The following TMPRSS11E variants were observed in gnomAD, a reference collection of about 807,000 sequenced individuals.
The protein encoded by TMPRSS11E is transmembrane serine protease 11E, also known as transmembrane protease serine 11E.
In TMPRSS11E, 38 loss-of-function variants were observed where a neutral mutation model predicts 48.1. The ratio of observed to expected loss-of-function variants is 0.79; its 90% CI spans 0.61 to 1.04. The LOEUF is 1.04. Among genes scored for constraint, TMPRSS11E ranks in the 50% least tolerant of loss-of-function variants. The pLI is 0.00. For synonymous variants in TMPRSS11E, 158 were observed against 171.9 expected (o/e 0.92, Z 0.63); for missense variants, 530 against 510.8 (o/e 1.04, Z -0.36).
At chr4:68,492,049 C>T (rs551153143) in intron 9 of TMPRSS11E, among the ~76,000 whole-genome samples, 2 of 152,320 alleles carry the variant, frequency 1.3e-5, no homozygotes, top group South Asian at 4.1e-4. Context: ...TTTAGACTCA[C>T]TTCATTTTGT....
At chr4:68,451,045 A>C (rs1261161232) in intron 1 of TMPRSS11E, among the ~76,000 whole-genome samples, 2 of 151,934 alleles carry the variant, frequency 1.3e-5, no homozygotes, top group African/African-American at 2.4e-5. Flanking sequence ...GAAAAATAGC[A>C]GTGTCGTGTG....
chr4:68,476,958 A>G (rs776864557), intron 7 of TMPRSS11E, among the ~76,000 whole-genome samples: 54 of 152,226 alleles, frequency 3.5e-4, no homozygotes, highest in Non-Finnish European at 3.5e-4. Context: ...TGTCTATAGT[A>G]TATAAAATAA....
Position 68,496,828 on chromosome 4 carries a change from A to G in TMPRSS11E, c.*24A>G. 1.9e-6 allele frequency: 3 copies of G among 1,579,510 alleles called. No homozygotes were observed. The highest frequency in any genetic ancestry group is 2.6e-6 in the Non-Finnish European group (3 of 1,166,884). On this transcript the variant is annotated 3_prime_UTR_variant, in exon 10 of 10. Coordinates refer to ENST00000305363, the MANE Select transcript of TMPRSS11E (RefSeq NM_014058.4). Reference sequence around the variant, plus strand: ...AAGAGAGAAAAGCCTCATGGAACAGATAACATTTTTTTTTGTTTTTTGGGT... The same window carrying G: ...AAGAGAGAAAAGCCTCATGGAACAGGTAACATTTTTTTTTGTTTTTTGGGT...
At chr4:68,467,358 A>T (rs1728954909) in intron 3 of TMPRSS11E, among the ~76,000 whole-genome samples, 1 of 152,150 alleles carries the variant, frequency 6.6e-6, no homozygotes, top group African/African-American at 2.4e-5. Context: ...AAACTGGAAA[A>T]ATTAGCAGCA....
At chr4:68,463,590 A>G (rs1728851557) in intron 2 of TMPRSS11E, among the ~76,000 whole-genome samples, 1 of 152,202 alleles carries the variant, frequency 6.6e-6, no homozygotes, top group African/African-American at 2.4e-5. Flanking sequence ...GGCATAAGCC[A>G]CTGTGCTGGG....
Position 68,471,579 on chromosome 4 carries a change from C to T in TMPRSS11E, c.446C>T (p.Ala149Val), listed in dbSNP as rs1729071583. ...QLVLHEKLQDAVGPPKVDPHS... is the reference protein window; with the variant it reads ...QLVLHEKLQDVVGPPKVDPHS... ...GTTTTACATGAAAAGCTGCAAGATG[C>T]TGTAGGACCCCCTAAAGTAGATCCT... The change falls in exon 5 of 10, where the codon GCT becomes GTT. Residue 149 changes from alanine to valine, a missense_variant. Coordinates refer to ENST00000305363, the MANE Select transcript of TMPRSS11E (RefSeq NM_014058.4). 1 of 1,609,854 alleles carries T rather than the reference C, an allele frequency of 6.2e-7. No homozygotes were observed. The highest frequency in any genetic ancestry group is 1.3e-5 in the African/African-American group (1 of 74,744).
chr4:68,487,075 A>G (rs950866352), intron 9 of TMPRSS11E, among the ~76,000 whole-genome samples: 1 of 152,098 alleles, frequency 6.6e-6, no homozygotes, highest in African/African-American at 2.4e-5. Flanking sequence ...TCTTTATCCA[A>G]TGGGCTACTC....
At chr4:68,476,207 A>G (rs1324240813) in intron 6 of TMPRSS11E, 54 bp from the exon 7 acceptor site, 2 of 1,610,016 alleles carry the variant, frequency 1.2e-6, no homozygotes, top group African/African-American at 2.7e-5. Flanking sequence ...TTGATGTGCA[A>G]AACAACTGCT....
chr4:68,462,776 A>G (rs1313220026), intron 2 of TMPRSS11E, among the ~76,000 whole-genome samples: 8 of 152,210 alleles, frequency 5.3e-5, no homozygotes, highest in African/African-American at 1.9e-4. Context: ...AGGTGATTAA[A>G]GAGGATAGGG....
chr4:68,480,141 A>G (rs1477820542), intron 9 of TMPRSS11E, among the ~76,000 whole-genome samples: 3 of 152,116 alleles, frequency 2.0e-5, no homozygotes, highest in Non-Finnish European at 4.4e-5. Context: ...AGGTTTGCTC[A>G]GCTTTTTGAA....
chr4:68,459,948 A>G (rs1332541438), intron 1 of TMPRSS11E, among the ~76,000 whole-genome samples: 2 of 152,216 alleles, frequency 1.3e-5, no homozygotes, highest in East Asian at 3.9e-4. Flanking sequence ...TCAGTTGCAC[A>G]TAAAACATAA....
chr4:68,479,551 G>A (rs1381079215), intron 9 of TMPRSS11E, among the ~76,000 whole-genome samples: 1 of 149,390 alleles, frequency 6.7e-6, no homozygotes, highest in Non-Finnish European at 1.5e-5. Context: ...AATTTTACTA[G>A]TTTTGGTGGA....
intron 1 of TMPRSS11E, among the ~76,000 whole-genome samples, chr4:68,458,020 G>A (rs568314673): frequency 1.4e-4 from 21 of 152,096 alleles, no homozygotes; most frequent in South Asian, 4.2e-4. Flanking sequence ...ACCATGGCAC[G>A]TGTATACCTA....
At chr4:68,487,992 A>G (rs563003153) in intron 9 of TMPRSS11E, among the ~76,000 whole-genome samples, 18 of 150,650 alleles carry the variant, frequency 1.2e-4, no homozygotes, top group East Asian at 9.8e-4. Context: ...TAGGTCCCCA[A>G]TCTCTTTTGG....
At chr4:68,472,122 T>C (rs1729090115) in intron 5 of TMPRSS11E, among the ~76,000 whole-genome samples, 2 of 151,978 alleles carry the variant, frequency 1.3e-5, no homozygotes, top group South Asian at 2.1e-4. Context: ...ATTTTTGTTG[T>C]TCTTGTTGTT....
At position 68,477,458 on chromosome 4, in the gene TMPRSS11E, A is replaced by G. The variant is rs371250984; in HGVS notation, c.797A>G (p.His266Arg). Residue 266 changes from histidine to arginine, a missense_variant, in exon 8 of 10, where the codon CAT (histidine) becomes CGT (arginine). Coordinates refer to ENST00000305363, the MANE Select transcript of TMPRSS11E (RefSeq NM_014058.4). ...MKRGLRRIIVHEKYKHPSHDY... is the reference protein window; with the variant it reads ...MKRGLRRIIVREKYKHPSHDY... Reference sequence around the variant, plus strand: ...CGGGGTCTCCGGAGAATAATTGTCCATGAAAAATACAAACACCCATCACAT... The same window carrying G: ...CGGGGTCTCCGGAGAATAATTGTCCGTGAAAAATACAAACACCCATCACAT... 8.7e-6 allele frequency: 14 copies of G among 1,614,000 alleles called. No homozygotes were observed. Among genetic ancestry groups the G allele is most frequent in the Non-Finnish European group, 1.2e-5 (14 of 1,179,992 alleles).
In TMPRSS11E at chr4:68,468,932, G is replaced by A. The variant is rs761625812; in HGVS notation, c.312G>A (p.Gln104=). Residue 104 remains glutamine, a synonymous_variant, in exon 4 of 10, where the codon CAG becomes CAA. Coordinates refer to ENST00000305363, the MANE Select transcript of TMPRSS11E (RefSeq NM_014058.4). ...SPLREEFVKS[Q]VIKFSQQKHG... ...TAAGGGAAGAATTTGTCAAGTCTCA[G>A]GTTATCAAGTTCAGGTATGTAAATC... 3 of 1,611,202 alleles carry A rather than the reference G, an allele frequency of 1.9e-6. No individual in the cohort carries two copies. Among genetic ancestry groups the A allele is most frequent in the Non-Finnish European group, 2.5e-6 (3 of 1,177,788 alleles).
chr4:68,447,778 G>T (rs1327591002), intron 1 of TMPRSS11E, among the ~76,000 whole-genome samples: 1 of 151,742 alleles, frequency 6.6e-6, no homozygotes, highest in East Asian at 1.9e-4. Context: ...CAATGTAAAG[G>T]TACATGGTGT....
chr4:68,492,272 C>T lies in TMPRSS11E; in HGVS notation c.1111-4371C>T, dbSNP rs139811549. 3.9e-3 allele frequency among the ~76,000 whole-genome samples: 588 copies of T among 152,300 alleles called. 5 individuals are homozygous for T. Among genetic ancestry groups the T allele is most frequent in the African/African-American group, 0.014 (571 of 41,566 alleles). Reference sequence around the variant, plus strand: ...CCATATTTGCAAATTCACCTACTCACTAAAATTTATTTGTAACCCCCAAAT... The same window carrying T: ...CCATATTTGCAAATTCACCTACTCATTAAAATTTATTTGTAACCCCCAAAT... On this transcript the variant is annotated intron_variant, in intron 9 of 9. Transcript: ENST00000305363.
Sources: allele counts gnomAD v4.1 joint callset (sites outside exome capture counted in the v4.1 genomes callset), GRCh38; gene constraint gnomAD v4.1.1; transcripts MANE v1.5; gene names NCBI Gene and HGNC (gene_info 2026-07-23, HGNC 2026-07-21).